SHISA9: variants seen among roughly 807,000 people sequenced by gnomAD.
SHISA9 encodes the protein protein shisa-9.
Under a neutral mutation model 38.0 loss-of-function variants are expected in SHISA9, and 13 were observed. The observed-to-expected ratio is 0.34, with a 90% CI of 0.22 to 0.54. SHISA9 has a LOEUF of 0.54. Among genes scored for constraint, SHISA9 ranks in the 20% least tolerant of loss-of-function variants. The probability of loss-of-function intolerance (pLI) is 0.91; values close to 1 mark genes in which losing one functional copy is unlikely to be tolerated. For synonymous variants in SHISA9, 275 were observed against 242.0 expected, an observed-to-expected ratio of 1.14 and a Z score of -1.27; for missense variants, 538 against 575.8, an observed-to-expected ratio of 0.93 and a Z score of 0.67.
intron 2 of SHISA9, among the ~76,000 whole-genome samples, chr16:12,927,227 A>C (rs957592771): frequency 2.6e-5 from 4 of 152,232 alleles, no homozygotes; most frequent in African/African-American, 7.2e-5. Flanking sequence ...AGTTAATTAC[A>C]AGGTGAAAAG....
At chr16:13,354,519 C>T in the SHISA9 span, among the ~76,000 whole-genome samples, 1 of 149,872 alleles carries the variant, frequency 6.7e-6, no homozygotes, top group African/African-American at 2.5e-5. Flanking sequence ...GCTGAAGGAG[C>T]CAGGGAGCAG....
chr16:13,183,024 G>A (rs925481827), intron 2 of SHISA9, among the ~76,000 whole-genome samples: 15 of 152,128 alleles, frequency 9.9e-5, no homozygotes, highest in African/African-American at 3.1e-4. Context: ...ACATCTACAC[G>A]TGGCTATTCA....
At chr16:13,170,202 CAAAAAAAAA>C (rs71147788) in intron 2 of SHISA9, among the ~76,000 whole-genome samples, 1 of 91,992 alleles carries the variant, frequency 1.1e-5, no homozygotes, top group East Asian at 3.1e-4. Context: ...GACTCCATCT[CAAAAAAAAA>C]AAAAAAAAAG....
chr16:13,459,001 C>T, the SHISA9 span, among the ~76,000 whole-genome samples: 2 of 151,840 alleles, frequency 1.3e-5, no homozygotes, highest in Non-Finnish European at 2.9e-5. Flanking sequence ...CCAAGGCATG[C>T]ACCACCACGC....
chr16:13,418,751 A>G, the SHISA9 span, among the ~76,000 whole-genome samples: 1 of 152,250 alleles, frequency 6.6e-6, no homozygotes, highest in Non-Finnish European at 1.5e-5. Context: ...ATGTGGCTCT[A>G]GCACCATAAG....
chr16:13,524,953 A>G, the SHISA9 span, among the ~76,000 whole-genome samples: 2 of 152,106 alleles, frequency 1.3e-5, no homozygotes, highest in Admixed American at 1.3e-4. Flanking sequence ...ACAACCCAAA[A>G]TGTTTCCAGA....
At chr16:13,255,612 C>G in the SHISA9 span, among the ~76,000 whole-genome samples, 1 of 152,240 alleles carries the variant, frequency 6.6e-6, no homozygotes, top group Non-Finnish European at 1.5e-5. Flanking sequence ...CCTCAATTTC[C>G]TTCTTCCTTA....
At chr16:13,164,302 G>A (rs1345147208) in intron 2 of SHISA9, among the ~76,000 whole-genome samples, 1 of 152,066 alleles carries the variant, frequency 6.6e-6, no homozygotes, top group Admixed American at 6.5e-5. Flanking sequence ...TGAAATTCAA[G>A]TGGTAAACCA....
intron 2 of SHISA9, among the ~76,000 whole-genome samples, chr16:13,043,823 T>G (rs1436468723): frequency 6.6e-6 from 1 of 152,226 alleles, no homozygotes; most frequent in Non-Finnish European, 1.5e-5. Flanking sequence ...TCCTCTCTCC[T>G]GGATATCCCC....
At chr16:13,460,516 C>A in the SHISA9 span, among the ~76,000 whole-genome samples, 1 of 152,152 alleles carries the variant, frequency 6.6e-6, no homozygotes, top group Non-Finnish European at 1.5e-5. Context: ...GCCTGGCACT[C>A]AAGAATGTGT....
At chr16:13,375,007 G>C in the SHISA9 span, among the ~76,000 whole-genome samples, 1 of 152,088 alleles carries the variant, frequency 6.6e-6, no homozygotes, top group Non-Finnish European at 1.5e-5. Context: ...ACTTTTTGAT[G>C]GGGTGGGGTT....
chr16:13,466,429 A>T, the SHISA9 span, among the ~76,000 whole-genome samples: 1 of 152,222 alleles, frequency 6.6e-6, no homozygotes, highest in Non-Finnish European at 1.5e-5. Context: ...AAAAACTACA[A>T]CATCTCAATC....
At chr16:13,378,425 T>G in the SHISA9 span, among the ~76,000 whole-genome samples, 1 of 152,154 alleles carries the variant, frequency 6.6e-6, no homozygotes, top group Non-Finnish European at 1.5e-5. Flanking sequence ...CCAAATAGTT[T>G]CAGGAAAGTT....
chr16:13,175,757 G>C (rs761145230), intron 2 of SHISA9, among the ~76,000 whole-genome samples: 2 of 152,214 alleles, frequency 1.3e-5, no homozygotes, highest in Non-Finnish European at 2.9e-5. Flanking sequence ...CAAACCTGGT[G>C]CCCAATGCTA....
At chr16:13,377,252 C>T in the SHISA9 span, among the ~76,000 whole-genome samples, 1 of 152,198 alleles carries the variant, frequency 6.6e-6, no homozygotes, top group East Asian at 1.9e-4. Context: ...TCAGGCTTCA[C>T]AGGAAAGAAA....
At chr16:13,031,118 A>T (rs915034058) in intron 2 of SHISA9, among the ~76,000 whole-genome samples, 1 of 152,264 alleles carries the variant, frequency 6.6e-6, no homozygotes, top group East Asian at 1.9e-4. Flanking sequence ...CCCGCGGGGC[A>T]CTGTGATTAC....
chr16:13,143,392 G>A (rs528156908), intron 2 of SHISA9, among the ~76,000 whole-genome samples: 3 of 152,138 alleles, frequency 2.0e-5, no homozygotes, highest in Non-Finnish European at 2.9e-5. Flanking sequence ...ATATATCCCC[G>A]TACCTATCCT....
intron 2 of SHISA9, among the ~76,000 whole-genome samples, chr16:12,938,170 G>A (rs752943281): frequency 2.6e-5 from 4 of 152,190 alleles, no homozygotes; most frequent in Non-Finnish European, 5.9e-5. Context: ...GGTCCATCCC[G>A]AGAAGGGGAA....
At chr16:13,257,870 T>A in the SHISA9 span, among the ~76,000 whole-genome samples, 1 of 152,174 alleles carries the variant, frequency 6.6e-6, no homozygotes, top group Admixed American at 6.5e-5. Context: ...ATACTTTATT[T>A]TTTTTGGTGA....
Sources: allele counts gnomAD v4.1 joint callset (sites outside exome capture counted in the v4.1 genomes callset), GRCh38; gene constraint gnomAD v4.1.1; transcripts MANE v1.5; gene names NCBI Gene and HGNC (gene_info 2026-07-23, HGNC 2026-07-21).